The following CASK variants were observed in gnomAD, a reference collection of about 807,000 sequenced individuals.
The protein encoded by CASK is calcium/calmodulin dependent serine protein kinase, also known as peripheral plasma membrane protein CASK.
A neutral mutation model predicts 82.9 loss-of-function variants in CASK; 4 were observed. The observed-to-expected ratio is 0.05, with a 90% CI of 0.02 to 0.11. The LOEUF (loss-of-function observed/expected upper bound fraction) is 0.11, where lower values mean the gene tolerates loss of function less well. CASK is among the 10% of genes least tolerant of loss of function. The pLI is 1.00. For synonymous variants in CASK, 259 were observed against 253.5 expected, an observed-to-expected ratio of 1.02 and a Z score of -0.20; for missense variants, 358 against 720.9, an observed-to-expected ratio of 0.50 and a Z score of 5.76.
At chrX:41,823,588 A>G (rs1177167177) in intron 2 of CASK, among the ~76,000 whole-genome samples, 2 of 111,248 alleles carry the variant, frequency 1.8e-5, no homozygotes, top group Non-Finnish European at 3.8e-5. Flanking sequence ...CAAAGTTCAC[A>G]CTGGTTTCCA....
intron 1 of CASK, among the ~76,000 whole-genome samples, chrX:41,904,892 T>G (rs2072443746): frequency 8.9e-6 from 1 of 111,759 alleles, no homozygotes; most frequent in Non-Finnish European, 1.9e-5. Flanking sequence ...GGCCTCCAGC[T>G]CCATCTATGT....
chrX:41,695,581 A>C lies in CASK; in HGVS notation c.430-24051T>G. The C allele has an allele frequency of 1.3e-5, 11 of 829,949 alleles. No homozygotes were observed. The South Asian group carries it at 2.1e-4, about 16-fold the overall frequency. 68.4% of individuals were successfully genotyped at this position (829,949 alleles called of 1,213,427 possible). A position where few individuals can be genotyped will look rare whatever the true frequency, so the allele number is the denominator to read the frequency against. On this transcript the variant is annotated intron_variant, in intron 5 of 26. Coordinates refer to ENST00000378163, the MANE Select transcript of CASK (RefSeq NM_001367721.1). ...AAAAATCTGAAGACATAAGAACTAC[A>C]CATGAGGAATATGTCATTTAGCACT...
At chrX:41,731,931 A>C (rs1367787895) in intron 5 of CASK, among the ~76,000 whole-genome samples, 4 of 105,455 alleles carry the variant, frequency 3.8e-5, no homozygotes, top group African/African-American at 1.4e-4. Context: ...TGCCTGGCTA[A>C]TTTTTGTATT....
At chrX:41,847,840 G>A (rs2071188618) in intron 2 of CASK, among the ~76,000 whole-genome samples, 2 of 111,254 alleles carry the variant, frequency 1.8e-5, no homozygotes, top group Non-Finnish European at 3.8e-5. Context: ...GGATGTGTAG[G>A]GCATACCTTC....
chrX:41,566,530 G>A (rs2065320889), intron 16 of CASK, among the ~76,000 whole-genome samples: 1 of 111,630 alleles, frequency 9.0e-6, no homozygotes, highest in African/African-American at 3.3e-5. Flanking sequence ...ACTTACAAGG[G>A]ATGTGAAGGA....
chrX:41,719,171 T>G (rs766769909), intron 5 of CASK, among the ~76,000 whole-genome samples: 1 of 111,859 alleles, frequency 8.9e-6, no homozygotes, highest in Non-Finnish European at 1.9e-5. Context: ...TCTTTCTCAG[T>G]GTCAATGAAG....
chrX:41,755,113 G>A lies in CASK; in HGVS notation c.279-9512C>T, dbSNP rs779132344. Among the ~76,000 whole-genome samples the A allele has an allele frequency of 2.7e-5, 3 of 110,729 alleles. No individual in the cohort carries two copies. In the East Asian group the frequency reaches 8.5e-4, roughly 31 times the overall value. On this transcript the variant is annotated intron_variant, in intron 3 of 26. Coordinates refer to ENST00000378163, the MANE Select transcript of CASK (RefSeq NM_001367721.1). ...AGGATGGTCTTGATTTCTTGACCTC[G>A]TGATCTGCCTGCCTCGGCCTCCCAA...
intron 3 of CASK, among the ~76,000 whole-genome samples, chrX:41,780,084 C>T (rs17146134): frequency 0.12 from 13,314 of 110,883 alleles, 927 homozygotes; most frequent in African/African-American, 0.26. Context: ...TATATGTAAT[C>T]GCTCTGTAAT....
At position 41,923,039 on chromosome X, in the gene CASK, G is replaced by A. The variant is rs745557959; in HGVS notation, c.-51C>T. On this transcript the variant is annotated 5_prime_UTR_variant, in exon 1 of 27. Transcript: ENST00000378163. ...CGTGGAGGGCTTCGAAAACGGGGGTGGGGGCGCCCAAGAGCTCAGTGCCCA... is the reference window on the plus strand; with the variant it reads ...CGTGGAGGGCTTCGAAAACGGGGGTAGGGGCGCCCAAGAGCTCAGTGCCCA... 8.0e-6 allele frequency: 9 copies of A among 1,122,984 alleles called. No individual in the cohort carries two copies. The highest frequency in any genetic ancestry group is 1.8e-5 in the South Asian group (1 of 54,680). The allele number at this position is 1,122,984 out of a possible 1,213,427, so 92.5% of individuals were successfully genotyped here.
intron 1 of CASK, among the ~76,000 whole-genome samples, chrX:41,918,321 A>C (rs1303733278): frequency 8.9e-6 from 1 of 112,444 alleles, no homozygotes; most frequent in African/African-American, 3.2e-5. Context: ...TTATTAATCC[A>C]GTATTTACAT....
rs900079494 is a variant in CASK, at chrX:41,559,799, T to A, written c.1717A>T (p.Thr573Ser). The change falls in exon 18 of 27, where the codon ACT (threonine) becomes TCT (serine). Residue 573 changes from threonine (T) to serine (S), a missense_variant. By Grantham distance (58) the Thr-to-Ser change is moderately conservative. Around this residue, in one of 5 missense-constraint regions of CASK, gnomAD observed 41 missense variants for 39.4 expected, o/e 1.04. Transcript: ENST00000378163. ...ITFKIVPSYR[T>S]QSSSCERDSP... ...ATTACCTCACAGGACGAAGACTGAG[T>A]GCGGTAACTTGGCACAATCTTGAAG... The A allele has an allele frequency of 3.3e-6, 4 of 1,208,576 alleles. No individual in the cohort carries two copies. The highest frequency in any genetic ancestry group is 4.5e-6 in the Non-Finnish European group (4 of 894,055).
At chrX:41,918,562 A>G (rs988875351) in intron 1 of CASK, among the ~76,000 whole-genome samples, 3 of 112,391 alleles carry the variant, frequency 2.7e-5, no homozygotes, top group African/African-American at 9.7e-5. Context: ...ACGTCAGACA[A>G]TCGCCATGTT....
intron 1 of CASK, among the ~76,000 whole-genome samples, chrX:41,886,662 C>T (rs2072054579): frequency 9.0e-6 from 1 of 111,623 alleles, no homozygotes; most frequent in Admixed American, 9.5e-5. Context: ...CACATAAGAA[C>T]TCTTGTTAGG....
At chrX:41,706,958 T>C (rs1455826084) in intron 5 of CASK, among the ~76,000 whole-genome samples, 1 of 112,235 alleles carries the variant, frequency 8.9e-6, no homozygotes, top group Non-Finnish European at 1.9e-5. Context: ...CCCAGGAAAC[T>C]ACGAACTCTG....
chrX:41,775,336 T>C (rs182336676), intron 3 of CASK, among the ~76,000 whole-genome samples: 10 of 110,668 alleles, frequency 9.0e-5, no homozygotes, highest in Non-Finnish European at 1.7e-4. Flanking sequence ...CACAATGAGA[T>C]ACCATCCCAC....
At chrX:41,827,253 A>G (rs1323426327) in intron 2 of CASK, among the ~76,000 whole-genome samples, 1 of 112,082 alleles carries the variant, frequency 8.9e-6, no homozygotes, top group Non-Finnish European at 1.9e-5. Context: ...AAATACGGTA[A>G]GCCAGAACAT....
chrX:41,599,327 G>T (rs753515998), intron 12 of CASK, among the ~76,000 whole-genome samples: 10 of 111,945 alleles, frequency 8.9e-5, no homozygotes, highest in Non-Finnish European at 1.9e-4. Flanking sequence ...ATCCTTACTT[G>T]AAGGTGCAAG....
intron 8 of CASK, among the ~76,000 whole-genome samples, chrX:41,641,990 G>A (rs917894294): frequency 2.8e-5 from 3 of 105,569 alleles, no homozygotes; most frequent in African/African-American, 1.0e-4. Flanking sequence ...GTGAGAACAT[G>A]TGGTGTTTGG....
intron 5 of CASK, among the ~76,000 whole-genome samples, chrX:41,692,660 A>G (rs1448302964): frequency 8.9e-6 from 1 of 112,117 alleles, no homozygotes; most frequent in African/African-American, 3.2e-5. Context: ...CTTCTTTGAC[A>G]TGATTTGAGT....
Sources: allele counts gnomAD v4.1 joint callset (sites outside exome capture counted in the v4.1 genomes callset), GRCh38; gene constraint gnomAD v4.1.1; regional missense constraint gnomAD v4.1.1; transcripts MANE v1.5; gene names NCBI Gene and HGNC (gene_info 2026-07-23, HGNC 2026-07-21).